SH3RF3: variants seen among roughly 807,000 people sequenced by gnomAD.
The protein encoded by SH3RF3 is SH3 domain containing ring finger 3.
A neutral mutation model predicts 66.3 loss-of-function variants in SH3RF3; 29 were observed. That is an observed-to-expected ratio of 0.44 (90% CI 0.33 to 0.60). The LOEUF is 0.60. SH3RF3 is among the 20% of genes least tolerant of loss of function. The pLI, the probability that SH3RF3 is intolerant of heterozygous loss-of-function variation, is 0.04. For synonymous variants in SH3RF3, 583 were observed against 532.0 expected, an observed-to-expected ratio of 1.10 and a Z score of -1.32; for missense variants, 1,194 against 1,190.9, an observed-to-expected ratio of 1.00 and a Z score of -0.04.
At chr2:109,321,586 C>T (rs1682027484) in intron 1 of SH3RF3, among the ~76,000 whole-genome samples, 1 of 152,170 alleles carries the variant, frequency 6.6e-6, no homozygotes, top group Admixed American at 6.5e-5. Context: ...GGAGATGAGA[C>T]AATCAATAGA....
At chr2:109,377,370 A>G (rs1683412721) in intron 3 of SH3RF3, among the ~76,000 whole-genome samples, 2 of 152,150 alleles carry the variant, frequency 1.3e-5, no homozygotes, top group South Asian at 4.1e-4. Context: ...CCTCCTAGTC[A>G]TCCCAGTGTC....
At chr2:109,202,160 A>G (rs983609102) in intron 1 of SH3RF3, among the ~76,000 whole-genome samples, 1 of 152,140 alleles carries the variant, frequency 6.6e-6, no homozygotes, top group Non-Finnish European at 1.5e-5. Flanking sequence ...CAGCTTGTAG[A>G]TGAACACGGG....
At chr2:109,493,146 A>G (rs1463477277) in intron 9 of SH3RF3, among the ~76,000 whole-genome samples, 1 of 140,012 alleles carries the variant, frequency 7.1e-6, no homozygotes. Context: ...CACATACATC[A>G]TACAAAACAC....
intron 4 of SH3RF3, among the ~76,000 whole-genome samples, chr2:109,408,252 G>T (rs1025479793): frequency 6.6e-6 from 1 of 152,262 alleles, no homozygotes; most frequent in South Asian, 2.1e-4. Context: ...AAGGAGGAAG[G>T]GCCTCGATCA....
intron 1 of SH3RF3, among the ~76,000 whole-genome samples, chr2:109,316,060 A>T (rs952056942): frequency 1.1e-4 from 16 of 152,154 alleles, no homozygotes; most frequent in Non-Finnish European, 2.2e-4. Flanking sequence ...TAGAGATTAG[A>T]TGTGGTTAGA....
intron 1 of SH3RF3, among the ~76,000 whole-genome samples, chr2:109,153,630 C>T (rs1199760622): frequency 2.6e-5 from 4 of 152,142 alleles, no homozygotes; most frequent in Non-Finnish European, 5.9e-5. Flanking sequence ...AAGAGTGTGG[C>T]ATAGTAAAAC....
At chr2:109,432,702 G>A (rs1316898271) in intron 6 of SH3RF3, 31 bp downstream of exon 6, 1 of 1,597,884 alleles carries the variant, frequency 6.3e-7, no homozygotes, top group Non-Finnish European at 8.5e-7. Flanking sequence ...GCCTGGGCAA[G>A]GAGAGGGCAA....
intron 8 of SH3RF3, among the ~76,000 whole-genome samples, chr2:109,482,370 A>G (rs760489506): frequency 3.9e-5 from 6 of 152,214 alleles, no homozygotes; most frequent in Non-Finnish European, 7.3e-5. Context: ...AACTTGTTCA[A>G]GATCAGCCAA....
intron 1 of SH3RF3, among the ~76,000 whole-genome samples, chr2:109,219,131 C>A (rs771582829): frequency 1.6e-4 from 24 of 152,302 alleles, no homozygotes; most frequent in Non-Finnish European, 2.8e-4. Context: ...GGAGTTCCAC[C>A]TCTCTCGCTC....
intron 1 of SH3RF3, among the ~76,000 whole-genome samples, chr2:109,320,188 G>A (rs1243135864): frequency 3.9e-5 from 6 of 152,152 alleles, no homozygotes; most frequent in African/African-American, 2.4e-5. Flanking sequence ...CACAGCCCTC[G>A]GCTTGCCTCT....
intron 7 of SH3RF3, among the ~76,000 whole-genome samples, chr2:109,447,147 TAAAAAAAAAA>T (rs61240132): frequency 3.6e-5 from 3 of 82,704 alleles, no homozygotes; most frequent in Middle Eastern, 8.3e-3. Context: ...CCTGAATATT[TAAAAAAAAAA>T]AAAAAAAAAA....
intron 1 of SH3RF3, among the ~76,000 whole-genome samples, chr2:109,336,041 C>G (rs1225933623): frequency 6.6e-6 from 1 of 152,188 alleles, no homozygotes; most frequent in Admixed American, 6.5e-5. Flanking sequence ...TCAGGAAAAG[C>G]TTTAGCGTAG....
Position 109,251,476 on chromosome 2 carries a change from T to C in SH3RF3, c.574-96198T>C, listed in dbSNP as rs533306963. 8 of 736,936 alleles carry C rather than the reference T, an allele frequency of 1.1e-5. 1 individual carries two copies. The highest frequency in any genetic ancestry group is 6.9e-5 in the African/African-American group (4 of 58,020). 45.6% of individuals were successfully genotyped at this position (736,936 alleles called of 1,614,324 possible). A position where few individuals can be genotyped will look rare whatever the true frequency, so the allele number is the denominator to read the frequency against. ...AAAATCTATGGACAAGAAGTTGTCATTGAAATTAAATGGTGGCAGACATGT... is the reference window on the plus strand; with the variant it reads ...AAAATCTATGGACAAGAAGTTGTCACTGAAATTAAATGGTGGCAGACATGT... On this transcript the variant is annotated intron_variant, in intron 1 of 9. Transcript: ENST00000309415.
At chr2:109,165,131 A>G (rs1677589551) in intron 1 of SH3RF3, among the ~76,000 whole-genome samples, 1 of 152,148 alleles carries the variant, frequency 6.6e-6, no homozygotes, top group Non-Finnish European at 1.5e-5. Context: ...CTCCTTTAGT[A>G]AGGACAAATG....
chr2:109,282,629 G>A (rs116003856), intron 1 of SH3RF3, among the ~76,000 whole-genome samples: 1,956 of 152,332 alleles, frequency 0.013, 23 homozygotes, highest in Middle Eastern at 0.034. Context: ...TCTCGCCTCC[G>A]TGGTGGGAGA....
chr2:109,147,260 G>A (rs1271577991), intron 1 of SH3RF3, among the ~76,000 whole-genome samples: 2 of 152,168 alleles, frequency 1.3e-5, no homozygotes, highest in African/African-American at 2.4e-5. Flanking sequence ...CTCGAAAGAT[G>A]TAAATATGGG....
chr2:109,284,965 C>T (rs1180906403), intron 1 of SH3RF3, among the ~76,000 whole-genome samples: 1 of 152,234 alleles, frequency 6.6e-6, no homozygotes, highest in East Asian at 1.9e-4. Context: ...GGCCTTGTGC[C>T]ATCAGAAGTG....
At chr2:109,299,262 T>G (rs1225455303) in intron 1 of SH3RF3, among the ~76,000 whole-genome samples, 1 of 152,260 alleles carries the variant, frequency 6.6e-6, no homozygotes, top group African/African-American at 2.4e-5. Context: ...ACTCTTTAGC[T>G]TTCTTGGGAT....
At chr2:109,277,681 C>T (rs1006976967) in intron 1 of SH3RF3, among the ~76,000 whole-genome samples, 1 of 152,190 alleles carries the variant, frequency 6.6e-6, no homozygotes, top group Non-Finnish European at 1.5e-5. Flanking sequence ...ACTCAGGGTG[C>T]CTCCCATTCA....
Sources: allele counts gnomAD v4.1 joint callset (sites outside exome capture counted in the v4.1 genomes callset), GRCh38; gene constraint gnomAD v4.1.1; transcripts MANE v1.5; gene names NCBI Gene and HGNC (gene_info 2026-07-23, HGNC 2026-07-21).